IL3RA: variants seen among roughly 807,000 people sequenced by gnomAD.
IL3RA encodes interleukin 3 receptor subunit alpha, also known as interleukin-3 receptor subunit alpha.
IL3RA carries 73 observed loss-of-function variants against 52.3 expected under a neutral mutation model. That is an observed-to-expected ratio of 1.40 (90% CI 1.16 to 1.70). The LOEUF is 1.70. Ranked by LOEUF, IL3RA falls within the 40% of genes most tolerant of loss-of-function variation. IL3RA has a pLI of 0.00. For missense variants in IL3RA, 664 were observed against 504.4 expected, an observed-to-expected ratio of 1.32 and a Z score of -3.03; for synonymous variants, 260 against 194.0, an observed-to-expected ratio of 1.34 and a Z score of -2.83.
At chrX:1,348,005 C>G (rs1385335222) in intron 3 of IL3RA, among the ~76,000 whole-genome samples, 10 of 143,578 alleles carry the variant, frequency 7.0e-5, no homozygotes, top group South Asian at 6.6e-4. Context: ...CCCCTGCACT[C>G]CAGCCTGGGC....
intron 10 of IL3RA, 98 bp from the exon 11 acceptor site, chrX:1,380,925 G>C: frequency 2.0e-6 from 2 of 1,023,202 alleles, no homozygotes; most frequent in Non-Finnish European, 1.5e-6. Context: ...TGAGTCTTTT[G>C]CTCTGTCCTG....
chrX:1,363,126 T>C (rs6603266), intron 8 of IL3RA, among the ~76,000 whole-genome samples: 72,415 of 150,512 alleles, frequency 0.48, 18,267 homozygotes, highest in African/African-American at 0.64. Context: ...GGGCCCCCCC[T>C]GATCCAAAAT....
intron 4 of IL3RA, among the ~76,000 whole-genome samples, chrX:1,349,004 C>T (rs1406302843): frequency 6.7e-6 from 1 of 149,014 alleles, no homozygotes; most frequent in African/African-American, 2.5e-5. Flanking sequence ...CCCTCCCTTC[C>T]CCTCCTCTCC....
At chrX:1,344,593 T>A (rs1348905606) in intron 2 of IL3RA, among the ~76,000 whole-genome samples, 1 of 150,228 alleles carries the variant, frequency 6.7e-6, no homozygotes, top group African/African-American at 2.5e-5. Context: ...GCCAACATGG[T>A]GAAACCCCAT....
intron 4 of IL3RA, 66 bp from the exon 5 acceptor site, chrX:1,352,034 G>A: frequency 6.4e-7 from 1 of 1,574,556 alleles, no homozygotes; most frequent in Non-Finnish European, 8.6e-7. Flanking sequence ...CAAAATGCTG[G>A]GGTGACAGGC....
At chrX:1,368,415 T>A (rs1469052326) in intron 9 of IL3RA, among the ~76,000 whole-genome samples, 1 of 151,936 alleles carries the variant, frequency 6.6e-6, no homozygotes, top group Non-Finnish European at 1.5e-5. Context: ...AAAAACCCTG[T>A]CTCTACTAAA....
intron 2 of IL3RA, among the ~76,000 whole-genome samples, chrX:1,343,826 C>G (rs1308436605): frequency 7.3e-6 from 1 of 137,786 alleles, no homozygotes; most frequent in African/African-American, 2.7e-5. Context: ...GATGGAGTCT[C>G]GCTCTGTTAC....
intron 6 of IL3RA, among the ~76,000 whole-genome samples, chrX:1,355,404 T>C (rs1272070359): frequency 1.5e-5 from 1 of 66,932 alleles, no homozygotes; most frequent in Non-Finnish European, 2.7e-5. Context: ...AGAGGAAGAG[T>C]AGGAGCGGAG....
chrX:1,340,008 T>G (rs2085427296), intron 1 of IL3RA, among the ~76,000 whole-genome samples: 1 of 152,090 alleles, frequency 6.6e-6, no homozygotes, highest in Admixed American at 6.6e-5. Flanking sequence ...TGCTTTGTCA[T>G]CTGAGCTTCC....
intron 3 of IL3RA, 68 bp from the exon 4 acceptor site, chrX:1,348,363 C>G (rs1247284980): frequency 6.3e-6 from 8 of 1,268,772 alleles, no homozygotes; most frequent in South Asian, 2.4e-5. Context: ...CAAAAAAAAT[C>G]TGAACATCAT....
intron 9 of IL3RA, among the ~76,000 whole-genome samples, chrX:1,368,274 C>CA (rs1966571913): frequency 6.6e-6 from 1 of 151,940 alleles, no homozygotes; most frequent in African/African-American, 2.4e-5. Context: ...AACAACAAAA[C>CA]AAAAGGATCG....
chrX:1,339,950 G>C (rs1201305073), intron 1 of IL3RA, among the ~76,000 whole-genome samples: 3 of 152,030 alleles, frequency 2.0e-5, no homozygotes, highest in Non-Finnish European at 4.4e-5. Flanking sequence ...CAGCCACTTA[G>C]GAATTTCCGT....
chrX:1,358,950 TAAG>T (rs2086944943), intron 8 of IL3RA, 63 bp downstream of exon 8: 8 of 1,261,016 alleles, frequency 6.3e-6, no homozygotes, highest in Middle Eastern at 2.2e-4. Flanking sequence ...TTATTATTAT[TAAG>T]AATAAAATGA....
Position 1,347,175 on chromosome X carries a change from G to A in IL3RA, c.184-1256G>A, listed in dbSNP as rs192267544. On this transcript the variant is annotated intron_variant, in intron 3 of 11. Transcript: ENST00000331035. ...AAGAATACACAAGTAGGCCGGGCGTGGTGGCTCACGCCTGTCATCCCAGCA... is the reference window on the plus strand; with the variant it reads ...AAGAATACACAAGTAGGCCGGGCGTAGTGGCTCACGCCTGTCATCCCAGCA... Among the ~76,000 whole-genome samples the A allele has an allele frequency of 3.3e-3, 496 of 151,666 alleles. 22 individuals carry two copies. The highest frequency in any genetic ancestry group is 0.012 in the African/African-American group (479 of 41,022).
intron 9 of IL3RA, among the ~76,000 whole-genome samples, chrX:1,377,848 G>A (rs1329548822): frequency 6.8e-6 from 1 of 146,104 alleles, no homozygotes; most frequent in Admixed American, 6.9e-5. Flanking sequence ...TAGCACCACA[G>A]CACTGCAGAG....
chrX:1,363,558 G>A (rs143941079), intron 8 of IL3RA, among the ~76,000 whole-genome samples: 1 of 150,642 alleles, frequency 6.6e-6, no homozygotes, highest in African/African-American at 2.4e-5. Flanking sequence ...AAAGTGCTGG[G>A]ATTACAGGCG....
Position 1,341,786 on chromosome X carries a change from G to C in IL3RA, c.21G>C (p.Thr7=), listed in dbSNP as rs138038721. The C allele has an allele frequency of 1.4e-3, 2,240 of 1,613,916 alleles. 7 individuals are homozygous for C. The highest frequency in any genetic ancestry group is 1.8e-3 in the Non-Finnish European group (2,071 of 1,179,860). Reference sequence around the variant, plus strand: ...TCCCGATGGTCCTCCTTTGGCTCACGCTGCTCCTGATCGCCCTGCCCTGTC... The same window carrying C: ...TCCCGATGGTCCTCCTTTGGCTCACCCTGCTCCTGATCGCCCTGCCCTGTC... MVLLWL[T]LLLIALPCLL... The change falls in exon 2 of 12, where the codon ACG becomes ACC. Residue 7 remains threonine, a synonymous_variant. Transcript: ENST00000331035.
chrX:1,353,949 C>CCCA (rs2086384141), intron 6 of IL3RA, among the ~76,000 whole-genome samples: 3 of 99,414 alleles, frequency 3.0e-5, no homozygotes, highest in South Asian at 3.4e-4. Flanking sequence ...TGGGACCCCC[C>CCCA]CCCCCATCAT....
At chrX:1,342,944 G>T (rs17885256) in intron 2 of IL3RA, among the ~76,000 whole-genome samples, 14 of 151,240 alleles carry the variant, frequency 9.3e-5, no homozygotes, top group East Asian at 4.0e-4. Context: ...GCGTGGTGGC[G>T]GGCGCCTGTA....
Sources: allele counts gnomAD v4.1 joint callset (sites outside exome capture counted in the v4.1 genomes callset), GRCh38; gene constraint gnomAD v4.1.1; transcripts MANE v1.5; gene names NCBI Gene and HGNC (gene_info 2026-07-23, HGNC 2026-07-21).